TENM2: variants seen among roughly 807,000 people sequenced by gnomAD.
The protein encoded by TENM2 is teneurin-2.
In TENM2, 52 loss-of-function variants were observed where a neutral mutation model predicts 245.2. The ratio of observed to expected loss-of-function variants is 0.21; its 90% CI spans 0.17 to 0.27. The LOEUF is 0.27. Among genes scored for constraint, TENM2 ranks in the 10% least tolerant of loss-of-function variants. TENM2 has a pLI of 1.00. For synonymous variants in TENM2, 1,363 were observed against 1,438.9 expected (o/e 0.95, Z 1.19); for missense variants, 3,046 against 3,666.8 (o/e 0.83, Z 4.37).
intron 7 of TENM2, among the ~76,000 whole-genome samples, chr5:168,086,107 C>T (rs1792432144): frequency 6.6e-6 from 1 of 152,198 alleles, no homozygotes; most frequent in African/African-American, 2.4e-5. Context: ...CTGTCTTTAA[C>T]CTTGCCCTCT....
Position 167,405,683 on chromosome 5 carries a change from C to G in TENM2, c.502+30210C>G, listed in dbSNP as rs950567053. Among the ~76,000 whole-genome samples, 5 of 151,792 alleles carry G rather than the reference C, an allele frequency of 3.3e-5. No individual in the cohort carries two copies. In the South Asian group the frequency reaches 1.0e-3, roughly 32 times the overall value. Reference sequence around the variant, plus strand: ...GAGAACTGTTTCTGTTCATCTCTTCCTAACTCAGCCTCACCCTGTAATTTT... The same window carrying G: ...GAGAACTGTTTCTGTTCATCTCTTCGTAACTCAGCCTCACCCTGTAATTTT... On this transcript the variant is annotated intron_variant, in intron 2 of 28. Coordinates refer to ENST00000518659, the Ensembl canonical transcript of TENM2.
intron 14 of TENM2, among the ~76,000 whole-genome samples, chr5:168,192,735 T>C (rs999082814): frequency 1.6e-4 from 25 of 152,214 alleles, no homozygotes; most frequent in Non-Finnish European, 2.9e-4. Flanking sequence ...GTAAGTATGC[T>C]TCCTTTTAAT....
In TENM2 at chr5:167,517,649, G is replaced by C. The variant is rs772610868; in HGVS notation, c.502+142176G>C. Reference sequence around the variant, plus strand: ...GAATAAGCATTTTCATTTACTCCCTGCTGGGTCATTGACAAATGGAAGTTT... The same window carrying C: ...GAATAAGCATTTTCATTTACTCCCTCCTGGGTCATTGACAAATGGAAGTTT... On this transcript the variant is annotated intron_variant, in intron 2 of 28. Transcript: ENST00000518659. Among the ~76,000 whole-genome samples the C allele has an allele frequency of 5.9e-5, 9 of 151,426 alleles. 1 individual carries two copies. The highest frequency in any genetic ancestry group is 1.3e-4 in the Non-Finnish European group (9 of 67,990).
intron 3 of TENM2, among the ~76,000 whole-genome samples, chr5:167,922,507 G>A (rs1296943809): frequency 6.6e-6 from 1 of 152,174 alleles, no homozygotes; most frequent in African/African-American, 2.4e-5. Context: ...AACAAGCCCA[G>A]GGAAAGTCCT....
intron 4 of TENM2, among the ~76,000 whole-genome samples, chr5:167,954,424 C>G (rs1052781679): frequency 1.2e-4 from 19 of 152,138 alleles, no homozygotes; most frequent in African/African-American, 4.6e-4. Flanking sequence ...ACATTAAAAA[C>G]ATTCCAATTG....
the TENM2 span, among the ~76,000 whole-genome samples, chr5:167,008,796 G>A: frequency 6.6e-5 from 10 of 152,100 alleles, no homozygotes; most frequent in African/African-American, 1.9e-4. Context: ...GGTTTGCAGC[G>A]TATCGACGTA....
chr5:167,719,515 G>A (rs978682646), intron 2 of TENM2, among the ~76,000 whole-genome samples: 2 of 152,248 alleles, frequency 1.3e-5, no homozygotes, highest in Admixed American at 6.5e-5. Flanking sequence ...GGAGGTAAAA[G>A]GTGAAGTGCA....
At chr5:167,055,598 A>G in the TENM2 span, among the ~76,000 whole-genome samples, 2 of 152,078 alleles carry the variant, frequency 1.3e-5, no homozygotes, top group Admixed American at 1.3e-4. Flanking sequence ...AGCATTTTGT[A>G]ATTTTCCTCA....
chr5:167,366,521 T>G (rs908639580), intron 1 of TENM2, among the ~76,000 whole-genome samples: 8 of 152,146 alleles, frequency 5.3e-5, no homozygotes, highest in Non-Finnish European at 1.2e-4. Flanking sequence ...TAGGTGCTAT[T>G]TTTATGTCCC....
intron 2 of TENM2, among the ~76,000 whole-genome samples, chr5:167,485,239 G>T (rs1767985422): frequency 6.6e-6 from 1 of 152,154 alleles, no homozygotes; most frequent in South Asian, 2.1e-4. Flanking sequence ...CTGAAGACAG[G>T]AAAGTAAGAG....
intron 2 of TENM2, among the ~76,000 whole-genome samples, chr5:167,428,338 AG>A (rs947109437): frequency 1.7e-4 from 26 of 152,220 alleles, no homozygotes; most frequent in African/African-American, 6.3e-4. Flanking sequence ...AATTTTAGTT[AG>A]GTAAATTTTG....
intron 7 of TENM2, among the ~76,000 whole-genome samples, chr5:168,062,566 A>C (rs1047953487): frequency 4.6e-5 from 7 of 152,188 alleles, no homozygotes; most frequent in African/African-American, 1.7e-4. Context: ...ATTTTCTTAC[A>C]AAAACGTATG....
chr5:168,124,209 A>G (rs1795681907), intron 10 of TENM2, among the ~76,000 whole-genome samples: 2 of 152,154 alleles, frequency 1.3e-5, no homozygotes, highest in Non-Finnish European at 2.9e-5. Context: ...TCCCTTTTGG[A>G]TCATTTTCAC....
chr5:167,954,841 C>A (rs907863554), intron 4 of TENM2, among the ~76,000 whole-genome samples: 1 of 152,182 alleles, frequency 6.6e-6, no homozygotes, highest in Non-Finnish European at 1.5e-5. Flanking sequence ...TGTATATGTG[C>A]CACATTTTCT....
At chr5:167,976,481 C>T (rs983561987) in intron 4 of TENM2, among the ~76,000 whole-genome samples, 1 of 152,018 alleles carries the variant, frequency 6.6e-6, no homozygotes, top group Admixed American at 6.6e-5. Flanking sequence ...ATCATGGAAC[C>T]CTCTCTGTAT....
intron 2 of TENM2, among the ~76,000 whole-genome samples, chr5:167,512,530 A>G (rs775415364): frequency 2.6e-5 from 4 of 152,232 alleles, no homozygotes; most frequent in Non-Finnish European, 5.9e-5. Flanking sequence ...GCTGTAATGA[A>G]TTTATAGCAT....
At chr5:167,351,937 T>A (rs1309440868) in intron 1 of TENM2, among the ~76,000 whole-genome samples, 4 of 152,248 alleles carry the variant, frequency 2.6e-5, no homozygotes, top group South Asian at 2.1e-4. Context: ...TGATTTGAGG[T>A]CTTTAATATC....
Position 168,023,202 on chromosome 5 carries a change from C to G in TENM2, c.1187-24225C>G, listed in dbSNP as rs997599360. ...TTCGAAACCCTGCTGCAGAGAGTGT[C>G]GGCAGCCACGCTGATGCGAGGCCTT... is the stretch of plus-strand genomic sequence containing the variant. On this transcript the variant is annotated intron_variant, in intron 5 of 28. Transcript: ENST00000518659. Among the ~76,000 whole-genome samples the G allele has an allele frequency of 2.6e-5, 4 of 152,296 alleles. No individual in the cohort carries two copies. In the East Asian group the frequency reaches 5.8e-4, roughly 22 times the overall value.
intron 1 of TENM2, among the ~76,000 whole-genome samples, chr5:167,309,546 G>T (rs1755892609): frequency 6.6e-6 from 1 of 152,098 alleles, no homozygotes; most frequent in African/African-American, 2.4e-5. Flanking sequence ...GCAAACAGCT[G>T]GAAAAACCTC....
Sources: allele counts gnomAD v4.1 joint callset (sites outside exome capture counted in the v4.1 genomes callset), GRCh38; gene constraint gnomAD v4.1.1; transcripts MANE v1.5; gene names NCBI Gene and HGNC (gene_info 2026-07-23, HGNC 2026-07-21).